Variants in ATP6V1H observed in about 807,000 individuals in gnomAD.
ATP6V1H encodes the protein V-type proton ATPase subunit H.
Under a neutral mutation model 71.7 loss-of-function variants are expected in ATP6V1H, and 39 were observed. The ratio of observed to expected loss-of-function variants is 0.54; its 90% CI spans 0.42 to 0.71. The LOEUF (loss-of-function observed/expected upper bound fraction) is 0.71. Among genes scored for constraint, ATP6V1H ranks in the 30% least tolerant of loss-of-function variants. The pLI, the probability that ATP6V1H is intolerant of heterozygous loss-of-function variation, is 0.00. For missense variants in ATP6V1H, 509 were observed against 594.9 expected (o/e 0.86, Z 1.50); for synonymous variants, 192 against 199.3 (o/e 0.96, Z 0.31).
At chr8:53,799,948 A>G (rs1358553391) in intron 8 of ATP6V1H, among the ~76,000 whole-genome samples, 1 of 152,204 alleles carries the variant, frequency 6.6e-6, no homozygotes, top group East Asian at 1.9e-4. Flanking sequence ...TCCATTGTTT[A>G]TAAGCCACCC....
At chr8:53,764,543 T>G (rs1045711976) in intron 11 of ATP6V1H, among the ~76,000 whole-genome samples, 2 of 149,872 alleles carry the variant, frequency 1.3e-5, no homozygotes, top group Admixed American at 6.6e-5. Context: ...ATAAAGATGA[T>G]GTGCAAAAAA....
At position 53,817,610 on chromosome 8, in the gene ATP6V1H, C is replaced by G. The variant is rs548621502; in HGVS notation, c.307-80G>C. 506 of 814,098 alleles carry G rather than the reference C, an allele frequency of 6.2e-4. 3 individuals carry two copies. The African/African-American group carries it at 7.9e-3, about 13-fold the overall frequency. The allele number at this position is 814,098 out of a possible 1,614,324, so 50.4% of individuals were successfully genotyped here. A position where few individuals can be genotyped will look rare whatever the true frequency, so the allele number is the denominator to read the frequency against. ...TAACGACTGTGCACCACTTCTCAAC[C>G]TCCCATCAGTCTGTGTTCTTTTTTC... On this transcript the variant is annotated intron_variant, in intron 4 of 13. Coordinates refer to ENST00000359530, the MANE Select transcript of ATP6V1H (RefSeq NM_015941.4).
rs748419080 is a variant in ATP6V1H at position 53,716,022 on chromosome 8, T to C, written c.1394A>G (p.Glu465Gly). ...GGACTGGAGCTGCTTGCCAAGGTAT[T>C]CCCTGAAAAAAAAGAATGAAGTAAG... ...AVQKLMVHNW[E>G]YLGKQLQSEQ... Residue 465 changes from glutamate (E) to glycine (G), a missense_variant and splice_region_variant, in exon 14 of 14, where the codon GAA (glutamate) becomes GGA (glycine). Around this residue, in one of 2 missense-constraint regions of ATP6V1H, gnomAD observed 212 missense variants for 291.6 expected, o/e 0.73. Coordinates refer to ENST00000359530, the MANE Select transcript of ATP6V1H (RefSeq NM_015941.4). 2 of 1,604,304 alleles carry C rather than the reference T, an allele frequency of 1.2e-6. No homozygotes were observed. Among genetic ancestry groups the C allele is most frequent in the Non-Finnish European group, 1.7e-6 (2 of 1,176,198 alleles).
intron 5 of ATP6V1H, among the ~76,000 whole-genome samples, chr8:53,816,744 C>T (rs1049223039): frequency 6.6e-6 from 1 of 151,988 alleles, no homozygotes; most frequent in South Asian, 2.1e-4. Flanking sequence ...TGCAGCAAGC[C>T]GAGATCGCAC....
chr8:53,795,642 C>CT lies in ATP6V1H; in HGVS notation c.870+4dup. The CT allele has an allele frequency of 2.5e-6, 4 of 1,612,110 alleles. No homozygotes were observed. The highest frequency in any genetic ancestry group is 3.4e-6 in the Non-Finnish European group (4 of 1,179,422). On this transcript the variant is annotated splice_donor_region_variant and intron_variant, in intron 9 of 13. Coordinates refer to ENST00000359530, the MANE Select transcript of ATP6V1H (RefSeq NM_015941.4). ...CATACACACAAACCAACATAAAACA[C>CT]TTACACGAAATGCTGCAAGAATGAT...
At chr8:53,826,587 GA>G (rs1405243195) in intron 4 of ATP6V1H, among the ~76,000 whole-genome samples, 2 of 151,956 alleles carry the variant, frequency 1.3e-5, no homozygotes, top group African/African-American at 4.8e-5. Context: ...ATAGAAATAA[GA>G]GGGGGAAATA....
chr8:53,715,797 C>T lies in ATP6V1H; in HGVS notation c.*167G>A. 2 of 526,424 alleles carry T rather than the reference C, an allele frequency of 3.8e-6. No individual in the cohort carries two copies. Among genetic ancestry groups the T allele is most frequent in the South Asian group, 4.0e-5 (1 of 24,918 alleles). 32.6% of individuals were successfully genotyped at this position (526,424 alleles called of 1,614,324 possible). A position where few individuals can be genotyped will look rare whatever the true frequency, so the allele number is the denominator to read the frequency against. On this transcript the variant is annotated 3_prime_UTR_variant, in exon 14 of 14. Coordinates refer to ENST00000359530, the MANE Select transcript of ATP6V1H (RefSeq NM_015941.4). ...AATCACCTACTTTTATACAACTTAA[C>T]AGGCAAACATGTTATTTTGTTGTTG...
intron 11 of ATP6V1H, among the ~76,000 whole-genome samples, chr8:53,765,633 T>C (rs1002255836): frequency 6.6e-6 from 1 of 151,704 alleles, no homozygotes; most frequent in African/African-American, 2.4e-5. Context: ...TCAAAGAAAA[T>C]TGAAACAAAT....
At chr8:53,835,392 G>A (rs982845949) in intron 2 of ATP6V1H, among the ~76,000 whole-genome samples, 6 of 152,154 alleles carry the variant, frequency 3.9e-5, no homozygotes, top group African/African-American at 7.2e-5. Flanking sequence ...GGAAGGTGAG[G>A]CACTCAGAAC....
chr8:53,795,937 T>C, intron 8 of ATP6V1H, 98 bp from the exon 9 acceptor site: 2 of 1,062,158 alleles, frequency 1.9e-6, no homozygotes, highest in Non-Finnish European at 1.3e-6. Flanking sequence ...CAGGTCTCTC[T>C]GAATTATGTC....
intron 9 of ATP6V1H, among the ~76,000 whole-genome samples, chr8:53,789,493 A>T (rs1809498780): frequency 1.3e-5 from 2 of 152,148 alleles, no homozygotes; most frequent in African/African-American, 2.4e-5. Flanking sequence ...AAAAAGAAAA[A>T]AAATTATTAA....
intron 9 of ATP6V1H, among the ~76,000 whole-genome samples, chr8:53,781,944 C>G (rs1319104337): frequency 6.6e-6 from 1 of 152,174 alleles, no homozygotes; most frequent in Non-Finnish European, 1.5e-5. Flanking sequence ...GTTACTATAG[C>G]CTTGTAGTAT....
At chr8:53,719,372 T>C (rs1806539646) in intron 13 of ATP6V1H, among the ~76,000 whole-genome samples, 3 of 152,270 alleles carry the variant, frequency 2.0e-5, no homozygotes, top group Admixed American at 2.0e-4. Flanking sequence ...GGTTCTGCCA[T>C]GTTGGCCAGG....
At chr8:53,808,818 A>C (rs1810178938) in intron 7 of ATP6V1H, among the ~76,000 whole-genome samples, 1 of 151,990 alleles carries the variant, frequency 6.6e-6, no homozygotes, top group South Asian at 2.1e-4. Context: ...AAAAAAACAA[A>C]ATGTTTGTAA....
In ATP6V1H at chr8:53,777,322, A is replaced by G. The variant is rs1249409381; in HGVS notation, c.871-5155T>C. 3.3e-5 allele frequency among the ~76,000 whole-genome samples: 5 copies of G among 152,304 alleles called. No homozygotes were observed. In the East Asian group the frequency reaches 9.6e-4, roughly 29 times the overall value. Reference sequence around the variant, plus strand: ...ATAGTAAAATTTTCAAAGCAACCAGAAAAAGATAACACATTATATACAGGG... The same window carrying G: ...ATAGTAAAATTTTCAAAGCAACCAGGAAAAGATAACACATTATATACAGGG... On this transcript the variant is annotated intron_variant, in intron 9 of 13. Transcript: ENST00000359530.
At chr8:53,826,516 C>T (rs983903944) in intron 4 of ATP6V1H, among the ~76,000 whole-genome samples, 2 of 151,906 alleles carry the variant, frequency 1.3e-5, no homozygotes, top group Non-Finnish European at 2.9e-5. Context: ...GTAATGATTT[C>T]TGGCATATTC....
chr8:53,777,892 G>C (rs879189035), intron 9 of ATP6V1H, among the ~76,000 whole-genome samples: 1 of 151,856 alleles, frequency 6.6e-6, no homozygotes, highest in Non-Finnish European at 1.5e-5. Context: ...GTCCAGAAAA[G>C]AAAAAAGAAC....
chr8:53,725,309 G>T (rs1193345726), intron 13 of ATP6V1H, among the ~76,000 whole-genome samples: 4 of 152,088 alleles, frequency 2.6e-5, no homozygotes, highest in Non-Finnish European at 5.9e-5. Context: ...GCCACCGTGG[G>T]ACTCTACAGA....
intron 2 of ATP6V1H, among the ~76,000 whole-genome samples, chr8:53,838,502 C>A (rs1563319914): frequency 6.6e-6 from 1 of 152,074 alleles, no homozygotes; most frequent in Non-Finnish European, 1.5e-5. Flanking sequence ...TTGTGTATTT[C>A]CTTTTGTTGT....
Sources: gnomAD v4.1 joint callset for allele counts (sites outside exome capture counted in the v4.1 genomes callset) on GRCh38, gnomAD v4.1.1 for gene constraint, gnomAD v4.1.1 regional missense constraint, MANE v1.5 for transcripts, NCBI Gene and HGNC (gene_info 2026-07-23, HGNC 2026-07-21) for gene names.